The following PRDM16 variants were observed in gnomAD, a reference collection of about 807,000 sequenced individuals.
PRDM16 encodes the protein histone-lysine N-methyltransferase PRDM16.
In PRDM16, 23 loss-of-function variants were observed where a neutral mutation model predicts 110.6. The ratio of observed to expected loss-of-function variants is 0.21; its 90% CI spans 0.15 to 0.29. The LOEUF (loss-of-function observed/expected upper bound fraction) is 0.29. Ranked by LOEUF, PRDM16 falls within the 10% of genes least tolerant of loss-of-function variation. PRDM16 has a pLI of 1.00. For synonymous variants in PRDM16, 799 were observed against 781.8 expected (o/e 1.02, Z -0.37); for missense variants, 1,615 against 1,794.3 (o/e 0.90, Z 1.81).
intron 8 of PRDM16, among the ~76,000 whole-genome samples, chr1:3,409,650 G>A (rs1373717605): frequency 1.3e-5 from 2 of 152,022 alleles, no homozygotes; most frequent in African/African-American, 2.4e-5. Context: ...GCCGGGATGT[G>A]TGTGTGTGGT....
intron 1 of PRDM16, among the ~76,000 whole-genome samples, chr1:3,171,797 C>T (rs150577273): frequency 0.01 from 1,528 of 152,212 alleles, 29 homozygotes; most frequent in African/African-American, 0.034. Flanking sequence ...AGGAAGCCTC[C>T]GGGTGAGAGG....
chr1:3,383,448 C>G (rs1448527091), intron 3 of PRDM16, among the ~76,000 whole-genome samples: 1 of 152,198 alleles, frequency 6.6e-6, no homozygotes, highest in Non-Finnish European at 1.5e-5. Flanking sequence ...ACTCGAGGCC[C>G]TCTGCCTGTC....
chr1:3,265,076 G>C lies in PRDM16; in HGVS notation c.438+20939G>C, dbSNP rs1327189108. Among the ~76,000 whole-genome samples, 1 of 152,100 alleles carries C rather than the reference G, an allele frequency of 6.6e-6. No homozygotes were observed. The highest frequency in any genetic ancestry group is 1.5e-5 in the Non-Finnish European group (1 of 68,020). On this transcript the variant is annotated intron_variant, in intron 3 of 16. Coordinates refer to ENST00000270722, the MANE Select transcript of PRDM16 (RefSeq NM_022114.4). The surrounding 1 kb of genome is among the most constrained non-coding windows in gnomAD (Gnocchi z 4.5). Reference sequence around the variant, plus strand: ...AGCCTCTCTCTGACCCAGGGCCCAGGAGGGAGGGGAGACCAGCAGGGAGGC... The same window carrying C: ...AGCCTCTCTCTGACCCAGGGCCCAGCAGGGAGGGGAGACCAGCAGGGAGGC...
At chr1:3,270,884 G>T (rs1266331302) in intron 3 of PRDM16, among the ~76,000 whole-genome samples, 1 of 151,908 alleles carries the variant, frequency 6.6e-6, no homozygotes, top group Non-Finnish European at 1.5e-5. Flanking sequence ...TCCAGGAGGA[G>T]GACCGTTGGG....
rs146623407 is a variant in PRDM16, at chr1:3,180,417, C to T, written c.38-5708C>T. Among the ~76,000 whole-genome samples the T allele has an allele frequency of 1.8e-4, 28 of 152,166 alleles. No individual in the cohort carries two copies. In the East Asian group the frequency reaches 4.3e-3, roughly 23 times the overall value. ...TGGCTGGGTGTGCAGTTGTAAGAAA[C>T]GCCGCGTAGAGGCCAGCCTGCCCTT... On this transcript the variant is annotated intron_variant, in intron 1 of 16. Transcript: ENST00000270722.
intron 2 of PRDM16, among the ~76,000 whole-genome samples, chr1:3,218,348 G>A (rs1258574591): frequency 6.6e-6 from 1 of 152,236 alleles, no homozygotes; most frequent in Non-Finnish European, 1.5e-5. Context: ...TATCGGAGAA[G>A]GGGGGAGGGC....
chr1:3,408,885 T>A (rs964750068), intron 8 of PRDM16, among the ~76,000 whole-genome samples: 12 of 146,328 alleles, frequency 8.2e-5, no homozygotes, highest in African/African-American at 2.9e-4. Context: ...GGTGCGTGTG[T>A]GTGTGAGAGC....
At chr1:3,132,193 A>G (rs1284450733) in intron 1 of PRDM16, among the ~76,000 whole-genome samples, 1 of 152,144 alleles carries the variant, frequency 6.6e-6, no homozygotes, top group African/African-American at 2.4e-5. Flanking sequence ...TGGAACCAGG[A>G]TGAAGGGTTA....
intron 3 of PRDM16, among the ~76,000 whole-genome samples, chr1:3,333,868 C>T (rs984153933): frequency 1.3e-5 from 2 of 152,128 alleles, no homozygotes; most frequent in Non-Finnish European, 2.9e-5. Context: ...CACTCTATCA[C>T]ATGTCACACG....
chr1:3,155,329 G>C (rs1388563313), intron 1 of PRDM16, among the ~76,000 whole-genome samples: 1 of 152,254 alleles, frequency 6.6e-6, no homozygotes, highest in Non-Finnish European at 1.5e-5. Context: ...AGGCTGCAGG[G>C]CTTGGCCGCG....
chr1:3,298,211 CCTGAGTGTGCAGGGGACA>C (rs1266592937), intron 3 of PRDM16, among the ~76,000 whole-genome samples: 1 of 152,226 alleles, frequency 6.6e-6, no homozygotes, highest in East Asian at 1.9e-4. Flanking sequence ...GATCAGAGAC[CCTGAGTGTGCAGGGGACA>C]CTTTCCTCCG....
chr1:3,435,059 G>A lies in PRDM16; in HGVS notation c.*1248G>A, dbSNP rs891495572. The A allele has an allele frequency of 2.2e-5, 5 of 227,210 alleles. No homozygotes were observed. Among genetic ancestry groups the A allele is most frequent in the Non-Finnish European group, 4.4e-5 (5 of 114,322 alleles). 14.1% of individuals were successfully genotyped at this position (227,210 alleles called of 1,614,324 possible). On this transcript the variant is annotated 3_prime_UTR_variant, in exon 17 of 17. Coordinates refer to ENST00000270722, the MANE Select transcript of PRDM16 (RefSeq NM_022114.4). ...GCTTGAGAACAGAAGGGCGTCGGGG[G>A]AACCTGCCGCAAGGAGCAGAGACAG... is the stretch of plus-strand genomic sequence containing the variant.
chr1:3,262,662 G>A (rs534372742), intron 3 of PRDM16, among the ~76,000 whole-genome samples: 70 of 152,240 alleles, frequency 4.6e-4, no homozygotes, highest in Non-Finnish European at 9.0e-4. Flanking sequence ...AGAACCCACA[G>A]AGAAAAATCC....
At position 3,382,797 on chromosome 1, in the gene PRDM16, C is replaced by T. The variant is rs1342638952; in HGVS notation, c.439-2355C>T. Among the ~76,000 whole-genome samples the T allele has an allele frequency of 6.6e-6, 1 of 152,198 alleles. No homozygotes were observed. The highest frequency in any genetic ancestry group is 1.5e-5 in the Non-Finnish European group (1 of 68,030). On this transcript the variant is annotated intron_variant, in intron 3 of 16. Transcript: ENST00000270722. The surrounding 1 kb of genome is among the most constrained non-coding windows in gnomAD (Gnocchi z 6.6). ...CCCAGGTGGGAGGGCACGGCCCGCC[C>T]TGGGTGAGCACCAGCCCTCAGCCCA...
intron 3 of PRDM16, among the ~76,000 whole-genome samples, chr1:3,297,626 G>A (rs1226694560): frequency 6.6e-6 from 1 of 152,120 alleles, no homozygotes; most frequent in Non-Finnish European, 1.5e-5. Context: ...TTTATAGCAG[G>A]CAGGTAGGGA....
At chr1:3,093,974 T>C (rs1362936741) in intron 1 of PRDM16, among the ~76,000 whole-genome samples, 9 of 152,320 alleles carry the variant, frequency 5.9e-5, no homozygotes, top group Non-Finnish European at 8.8e-5. Context: ...CATGAGTGTG[T>C]GGGCTTCTGC....
chr1:3,414,825 G>T (rs1203042953), intron 10 of PRDM16, among the ~76,000 whole-genome samples, 178 bp downstream of exon 10: 1 of 152,118 alleles, frequency 6.6e-6, no homozygotes, highest in Admixed American at 6.5e-5. Context: ...GGTCACTGTA[G>T]GCTGGAGAGG....
rs79780613 is a variant in PRDM16 at position 3,176,462 on chromosome 1, C to T, written c.38-9663C>T. Among the ~76,000 whole-genome samples the T allele has an allele frequency of 3.4e-3, 521 of 151,748 alleles. 1 individual carries two copies. Among genetic ancestry groups the T allele is most frequent in the African/African-American group, 0.012 (484 of 41,360 alleles). Reference sequence around the variant, plus strand: ...CACAGCTCCTCAGAGCAGGAAGACCCTTCTGGCAGACACCAGGCTGCATCC... The same window carrying T: ...CACAGCTCCTCAGAGCAGGAAGACCTTTCTGGCAGACACCAGGCTGCATCC... On this transcript the variant is annotated intron_variant, in intron 1 of 16. Transcript: ENST00000270722.
intron 1 of PRDM16, among the ~76,000 whole-genome samples, chr1:3,181,358 A>AAG (rs1644175271): frequency 1.2e-4 from 4 of 33,288 alleles, no homozygotes; most frequent in South Asian, 1.0e-3. Context: ...GGTCTTACAC[A>AAG]CGGTCTTACA....
Sources: allele counts gnomAD v4.1 joint callset (sites outside exome capture counted in the v4.1 genomes callset), GRCh38; gene constraint gnomAD v4.1.1; non-coding constraint Gnocchi (gnomAD v3.1); transcripts MANE v1.5; gene names NCBI Gene and HGNC (gene_info 2026-07-23, HGNC 2026-07-21).